MRAP2: variants seen among roughly 807,000 people sequenced by gnomAD.
MRAP2 encodes melanocortin-2 receptor accessory protein 2.
In MRAP2, 20 loss-of-function variants were observed where a neutral mutation model predicts 17.4. That is an observed-to-expected ratio of 1.15 (90% confidence interval 0.81 to 1.67). MRAP2 has a LOEUF of 1.67. Ranked by LOEUF, MRAP2 falls within the 40% of genes most tolerant of loss-of-function variation. The pLI, the probability that MRAP2 is intolerant of heterozygous loss-of-function variation, is 0.00. For synonymous variants in MRAP2, 96 were observed against 88.4 expected (o/e 1.09, Z -0.48); for missense variants, 238 against 240.0 (o/e 0.99, Z 0.05).
chr6:84,093,392 C>G (rs531382995), downstream of MRAP2, among the ~76,000 whole-genome samples: 9 of 152,218 alleles, frequency 5.9e-5, no homozygotes, highest in South Asian at 1.9e-3. Context: ...TCTCTGTCGT[C>G]TGGGCTGTGC....
the MRAP2 span, among the ~76,000 whole-genome samples, chr6:84,110,678 G>A: frequency 1.3e-5 from 2 of 152,188 alleles, no homozygotes; most frequent in African/African-American, 4.8e-5. Flanking sequence ...CTTTGCCCAT[G>A]CCTATGTCCT....
At chr6:84,060,266 CTGAAGGCT>C (rs2129166589) in intron 2 of MRAP2, among the ~76,000 whole-genome samples, 1 of 152,320 alleles carries the variant, frequency 6.6e-6, no homozygotes, top group South Asian at 2.1e-4. Flanking sequence ...CCTGCCTTCT[CTGAAGGCT>C]GTAACCCTCC....
the MRAP2 span, among the ~76,000 whole-genome samples, chr6:84,116,592 C>T: frequency 2.0e-5 from 3 of 152,132 alleles, no homozygotes; most frequent in African/African-American, 7.2e-5. Flanking sequence ...ATGTTTCCAG[C>T]TTTTACTCAT....
intron 1 of MRAP2, among the ~76,000 whole-genome samples, chr6:84,037,216 G>T (rs2099486320): frequency 6.6e-6 from 1 of 151,784 alleles, no homozygotes; most frequent in Admixed American, 6.6e-5. Flanking sequence ...ACAGAGTGCT[G>T]ACTGGTGTGT....
At chr6:84,134,919 T>TACACACACACAC in the MRAP2 span, among the ~76,000 whole-genome samples, 8 of 148,256 alleles carry the variant, frequency 5.4e-5, no homozygotes, top group African/African-American at 1.7e-4. Context: ...AGATCATATA[T>TACACACACACAC]ACACACACAC....
At chr6:84,121,874 C>T in the MRAP2 span, among the ~76,000 whole-genome samples, 4 of 144,486 alleles carry the variant, frequency 2.8e-5, no homozygotes, top group East Asian at 1.9e-4. Flanking sequence ...AACCTAACAT[C>T]GCACCTCAAG....
intron 3 of MRAP2, among the ~76,000 whole-genome samples, chr6:84,082,072 G>A (rs2099499135): frequency 6.6e-6 from 1 of 152,134 alleles, no homozygotes; most frequent in South Asian, 2.1e-4. Context: ...CTCTCTGTGT[G>A]ACCCATACAT....
chr6:84,059,026 G>C (rs1316630759), intron 2 of MRAP2, among the ~76,000 whole-genome samples: 1 of 152,210 alleles, frequency 6.6e-6, no homozygotes, highest in African/African-American at 2.4e-5. Context: ...ATAAAGGGAA[G>C]GAGAGGAATG....
intron 3 of MRAP2, among the ~76,000 whole-genome samples, chr6:84,071,550 AGT>A (rs1221580079): frequency 6.6e-6 from 1 of 152,254 alleles, no homozygotes; most frequent in East Asian, 1.9e-4. Flanking sequence ...ACCTGATGAC[AGT>A]GTGTCTAGGC....
At chr6:84,130,160 T>C in the MRAP2 span, among the ~76,000 whole-genome samples, 1 of 152,222 alleles carries the variant, frequency 6.6e-6, no homozygotes, top group Non-Finnish European at 1.5e-5. Flanking sequence ...GGATTATGTT[T>C]ATTGATTTGC....
the MRAP2 span, among the ~76,000 whole-genome samples, chr6:84,139,772 T>G: frequency 2.0e-5 from 3 of 152,206 alleles, no homozygotes; most frequent in Non-Finnish European, 2.9e-5. Context: ...TTGTGACTCT[T>G]GTGGGTTTGG....
chr6:84,122,896 T>C, the MRAP2 span, among the ~76,000 whole-genome samples: 2 of 152,012 alleles, frequency 1.3e-5, no homozygotes, highest in Admixed American at 1.3e-4. Flanking sequence ...GGATACAAAA[T>C]CAATATACAA....
chr6:84,142,753 G>A, the MRAP2 span, among the ~76,000 whole-genome samples: 1 of 152,064 alleles, frequency 6.6e-6, no homozygotes, highest in Non-Finnish European at 1.5e-5. Context: ...TAAAGACCTA[G>A]GAGTTCATCC....
At chr6:84,116,373 C>G in the MRAP2 span, among the ~76,000 whole-genome samples, 1 of 152,098 alleles carries the variant, frequency 6.6e-6, no homozygotes, top group Non-Finnish European at 1.5e-5. Flanking sequence ...AGGGGAAATC[C>G]CTTTCACTGG....
the MRAP2 span, among the ~76,000 whole-genome samples, chr6:84,137,315 G>A: frequency 1.3e-5 from 2 of 152,068 alleles, no homozygotes; most frequent in Admixed American, 1.3e-4. Flanking sequence ...ACATGCTAGC[G>A]AGCCTTACAA....
Position 84,061,994 on chromosome 6 carries a change from G to A in MRAP2, c.128-899G>A, listed in dbSNP as rs2099493295. 7.1e-6 allele frequency: 7 copies of A among 979,178 alleles called. No homozygotes were observed. In the South Asian group the frequency reaches 2.8e-4, roughly 39 times the overall value. The allele number at this position is 979,178 out of a possible 1,614,324, so 60.7% of individuals were successfully genotyped here. On this transcript the variant is annotated intron_variant, in intron 2 of 3. Transcript: ENST00000257776. Reference sequence around the variant, plus strand: ...AGCACAGGGAAAGGCAGAAGGCAGAGAGAGCACTCAAGAGGCCATCTGTAT... The same window carrying A: ...AGCACAGGGAAAGGCAGAAGGCAGAAAGAGCACTCAAGAGGCCATCTGTAT...
intron 2 of MRAP2, chr6:84,061,920 A>C (rs1307177629): frequency 1.0e-6 from 1 of 985,330 alleles, no homozygotes; most frequent in Non-Finnish European, 1.2e-6. Flanking sequence ...TTTTCATGAA[A>C]GAGCAATATC....
At chr6:84,091,119 C>T (rs578062329), downstream of MRAP2, among the ~76,000 whole-genome samples, 75 of 150,470 alleles carry the variant, frequency 5.0e-4, no homozygotes, top group African/African-American at 1.8e-3. Flanking sequence ...AATAGTAAAA[C>T]AAAGCATGGA....
the MRAP2 span, among the ~76,000 whole-genome samples, chr6:84,142,438 T>C: frequency 2.0e-5 from 3 of 152,200 alleles, no homozygotes; most frequent in Admixed American, 6.5e-5. Flanking sequence ...ACATTTTTTT[T>C]CTACCTTTGG....
Sources: gnomAD v4.1 joint callset for allele counts (sites outside exome capture counted in the v4.1 genomes callset) on GRCh38, gnomAD v4.1.1 for gene constraint, MANE v1.5 for transcripts, NCBI Gene and HGNC (gene_info 2026-07-23, HGNC 2026-07-21) for gene names.